Variants in NAP1L4 observed in about 807,000 individuals in gnomAD.
NAP1L4 encodes nucleosome assembly protein 1 like 4.
A neutral mutation model predicts 58.2 loss-of-function variants in NAP1L4; 15 were observed. The observed-to-expected ratio is 0.26, with a 90% CI of 0.17 to 0.40. The LOEUF (loss-of-function observed/expected upper bound fraction) is 0.40, where lower values mean the gene tolerates loss of function less well. Among genes scored for constraint, NAP1L4 ranks in the 10% least tolerant of loss-of-function variants. NAP1L4 has a pLI of 1.00. For missense variants in NAP1L4, 384 were observed against 451.1 expected (o/e 0.85, Z 1.35); for synonymous variants, 171 against 155.6 (o/e 1.10, Z -0.74).
In NAP1L4 at chr11:2,951,898, C is replaced by T; in HGVS notation, c.1036-89G>A. On this transcript the variant is annotated intron_variant, in intron 12 of 15. Transcript: ENST00000380542. This position sits in a 1 kb window ranked among gnomAD's most constrained non-coding sequence, Gnocchi z 4.0. ...CAGTCCCATCAAGTGACTCACTGAC[C>T]AAGCCTAAGAGGAGCAGAAAGTCCA... The T allele has an allele frequency of 7.6e-7, 1 of 1,320,594 alleles. No individual in the cohort carries two copies. The highest frequency in any genetic ancestry group is 1.2e-5 in the South Asian group (1 of 83,162). The allele number at this position is 1,320,594 out of a possible 1,614,324, so 81.8% of individuals were successfully genotyped here.
At chr11:2,979,042 G>A (rs947738160) in intron 2 of NAP1L4, among the ~76,000 whole-genome samples, 165 bp downstream of exon 2, 1 of 152,152 alleles carries the variant, frequency 6.6e-6, no homozygotes, top group East Asian at 1.9e-4. Flanking sequence ...TGTTCATGTC[G>A]GAAGTAATTT....
chr11:2,963,260 A>AC (rs1449408964), intron 8 of NAP1L4, among the ~76,000 whole-genome samples: 2 of 152,200 alleles, frequency 1.3e-5, no homozygotes, highest in African/African-American at 4.8e-5. Context: ...ACAGAAACTT[A>AC]AAGCACCGCA....
intron 7 of NAP1L4, among the ~76,000 whole-genome samples, chr11:2,968,356 G>GAC (rs1463542172): frequency 6.6e-6 from 1 of 152,130 alleles, no homozygotes; most frequent in African/African-American, 2.4e-5. Context: ...GGCTCTGGTA[G>GAC]ACATTACTTA....
chr11:2,945,832 G>A (rs1250290232), intron 15 of NAP1L4, among the ~76,000 whole-genome samples, 186 bp from the exon 16 acceptor site: 1 of 152,152 alleles, frequency 6.6e-6, no homozygotes, highest in African/African-American at 2.4e-5. Context: ...TGCAGTCAAA[G>A]CAGGGTTTTT....
At chr11:2,983,679 A>T (rs1251568231) in intron 1 of NAP1L4, 1 of 152,110 alleles carries the variant, frequency 6.6e-6, no homozygotes, top group African/African-American at 2.4e-5. Flanking sequence ...TAAAGAACCA[A>T]CCAACCCAGA....
chr11:2,964,430 T>C (rs1223411542), intron 8 of NAP1L4, among the ~76,000 whole-genome samples: 3 of 152,052 alleles, frequency 2.0e-5, no homozygotes, highest in South Asian at 2.1e-4. Flanking sequence ...TGTCAAATCA[T>C]CCAGCACAGA....
chr11:2,960,950 G>A (rs569768361), intron 8 of NAP1L4, among the ~76,000 whole-genome samples: 3 of 152,232 alleles, frequency 2.0e-5, no homozygotes, highest in African/African-American at 4.8e-5. Flanking sequence ...GGCAACTCGC[G>A]GAAGCTACTC....
chr11:2,969,800 T>C lies in NAP1L4; in HGVS notation c.534+3A>G. 1.2e-6 allele frequency: 2 copies of C among 1,610,350 alleles called. No individual in the cohort carries two copies. Among genetic ancestry groups the C allele is most frequent in the Non-Finnish European group, 1.7e-6 (2 of 1,178,464 alleles). On this transcript the variant is annotated splice_donor_region_variant and intron_variant, in intron 7 of 15. Coordinates refer to ENST00000380542, the MANE Select transcript of NAP1L4 (RefSeq NM_005969.4). The stretch of plus-strand genomic sequence containing the variant: ...TCTCTCTACAAGACAGAAGTGTGCT[T>C]ACCTGGACTAATTCACTCAGCATGT...
At chr11:2,964,610 G>A in intron 8 of NAP1L4, 70 bp downstream of exon 8, 1 of 1,334,472 alleles carries the variant, frequency 7.5e-7, no homozygotes. Flanking sequence ...CTTGCCCCTG[G>A]CTCCAAGTTC....
rs537093285 is a variant in NAP1L4, at chr11:2,951,086, A to G, written c.1122+173T>C. 57 of 663,274 alleles carry G rather than the reference A, an allele frequency of 8.6e-5. No homozygotes were observed. The highest frequency in any genetic ancestry group is 1.8e-4 in the South Asian group (10 of 54,700). The allele number at this position is 663,274 out of a possible 1,614,324, so 41.1% of individuals were successfully genotyped here. A position where few individuals can be genotyped will look rare whatever the true frequency, so the allele number is the denominator to read the frequency against. On this transcript the variant is annotated intron_variant, in intron 14 of 15. Transcript: ENST00000380542. This position sits in a 1 kb window ranked among gnomAD's most constrained non-coding sequence, Gnocchi z 4.0. The stretch of plus-strand genomic sequence containing the variant: ...CTGAGTATGTACACTCAACACTCAA[A>G]TTATAGACACAGTGTCTGAATAATC...
intron 10 of NAP1L4, among the ~76,000 whole-genome samples, chr11:2,956,627 AAGCCTCGGTGTGCC>A (rs751379663): frequency 4.2e-4 from 64 of 152,226 alleles, no homozygotes; most frequent in Non-Finnish European, 4.1e-4. Context: ...CAGAGTTCCC[AAGCCTCGGTGTGCC>A]AGCATCACCC....
chr11:2,962,137 A>T (rs1846961306), intron 8 of NAP1L4, among the ~76,000 whole-genome samples: 1 of 152,202 alleles, frequency 6.6e-6, no homozygotes, highest in Non-Finnish European at 1.5e-5. Flanking sequence ...CTAAAGCTTC[A>T]TCTTCTTTGA....
intron 10 of NAP1L4, among the ~76,000 whole-genome samples, chr11:2,956,346 T>C (rs1346626113): frequency 1.3e-5 from 2 of 151,748 alleles, no homozygotes; most frequent in Non-Finnish European, 2.9e-5. Context: ...CCAAGACAGA[T>C]AGGGACTTCT....
chr11:2,967,133 G>C (rs755587520), intron 7 of NAP1L4, among the ~76,000 whole-genome samples: 2 of 152,206 alleles, frequency 1.3e-5, no homozygotes, highest in Non-Finnish European at 2.9e-5. Context: ...GCTGGGCATA[G>C]TGGCGCATAT....
At chr11:2,967,903 C>G (rs1847383064) in intron 7 of NAP1L4, among the ~76,000 whole-genome samples, 1 of 152,118 alleles carries the variant, frequency 6.6e-6, no homozygotes, top group African/African-American at 2.4e-5. Context: ...TCTCAAAACC[C>G]AAGGCAGCAC....
chr11:2,980,461 C>G (rs546312417), intron 1 of NAP1L4, among the ~76,000 whole-genome samples: 3 of 152,190 alleles, frequency 2.0e-5, no homozygotes, highest in Non-Finnish European at 4.4e-5. Context: ...GTTGGGATTA[C>G]AGGTGTGAGT....
chr11:2,979,037 A>G (rs560702731), intron 2 of NAP1L4, among the ~76,000 whole-genome samples, 170 bp downstream of exon 2: 1 of 152,220 alleles, frequency 6.6e-6, no homozygotes, highest in African/African-American at 2.4e-5. Flanking sequence ...GGCACTGTTC[A>G]TGTCGGAAGT....
Position 2,951,916 on chromosome 11 carries a change from A to C in NAP1L4, c.1036-107T>G. 8.9e-7 allele frequency: 1 copy of C among 1,124,070 alleles called. No individual in the cohort carries two copies. Among genetic ancestry groups the C allele is most frequent in the Non-Finnish European group, 1.3e-6 (1 of 744,116 alleles). The allele number at this position is 1,124,070 out of a possible 1,614,324, so 69.6% of individuals were successfully genotyped here. A position where few individuals can be genotyped will look rare whatever the true frequency, so the allele number is the denominator to read the frequency against. ...CACTGACCAAGCCTAAGAGGAGCAGAAAGTCCAGCCACGCTGCCTGCTGGG... is the reference window on the plus strand; with the variant it reads ...CACTGACCAAGCCTAAGAGGAGCAGCAAGTCCAGCCACGCTGCCTGCTGGG... On this transcript the variant is annotated intron_variant, in intron 12 of 15. Coordinates refer to ENST00000380542, the MANE Select transcript of NAP1L4 (RefSeq NM_005969.4). The surrounding 1 kb of genome is among the most constrained non-coding windows in gnomAD (Gnocchi z 4.0).
intron 7 of NAP1L4, among the ~76,000 whole-genome samples, chr11:2,967,468 A>G (rs916214442): frequency 1.6e-4 from 25 of 152,094 alleles, no homozygotes; most frequent in African/African-American, 5.1e-4. Context: ...AAAATTAGCC[A>G]GGCGTGGTGG....
Sources: allele counts gnomAD v4.1 joint callset (sites outside exome capture counted in the v4.1 genomes callset), GRCh38; gene constraint gnomAD v4.1.1; non-coding constraint Gnocchi (gnomAD v3.1); transcripts MANE v1.5; gene names NCBI Gene and HGNC (gene_info 2026-07-23, HGNC 2026-07-21).